FIP1L1: variants seen among roughly 807,000 people sequenced by gnomAD.
FIP1L1 encodes the protein factor interacting with PAPOLA and CPSF1.
Under a neutral mutation model 84.6 loss-of-function variants are expected in FIP1L1, and 21 were observed. The observed-to-expected ratio is 0.25, with a 90% CI of 0.18 to 0.36. The LOEUF (loss-of-function observed/expected upper bound fraction) is 0.36. Ranked by LOEUF, FIP1L1 falls within the 10% of genes least tolerant of loss-of-function variation. The pLI is 1.00. For missense variants in FIP1L1, 526 were observed against 751.1 expected (o/e 0.70, Z 3.50); for synonymous variants, 263 against 242.3 (o/e 1.09, Z -0.80).
chr4:53,455,597 C>T (rs911321733), intron 16 of FIP1L1, among the ~76,000 whole-genome samples: 16 of 152,108 alleles, frequency 1.1e-4, no homozygotes, highest in Non-Finnish European at 2.1e-4. Context: ...TACCTGGATG[C>T]GGCTTATGGT....
chr4:53,404,889 T>C (rs1752402614), intron 10 of FIP1L1, among the ~76,000 whole-genome samples: 1 of 151,472 alleles, frequency 6.6e-6, no homozygotes, highest in African/African-American at 2.4e-5. Flanking sequence ...TTTGAGTTCA[T>C]TGTAGATTCT....
intron 6 of FIP1L1, among the ~76,000 whole-genome samples, chr4:53,390,113 A>G (rs887099523): frequency 8.6e-5 from 13 of 151,850 alleles, no homozygotes; most frequent in African/African-American, 1.2e-4. Context: ...CAATTTTTGT[A>G]TTTTTATGTA....
chr4:53,428,142 C>T lies in FIP1L1; in HGVS notation c.1133C>T (p.Pro378Leu). Residue 378 changes from proline to leucine, a missense_variant, in exon 13 of 18, where the codon CCT becomes CTT. This residue lies in a region of FIP1L1 where 80 missense variants were observed against 151.1 expected (regional missense o/e 0.53). Coordinates refer to ENST00000337488, the MANE Select transcript of FIP1L1 (RefSeq NM_030917.4). ...HLPPPPFLPP[P>L]PTVSTAPPLI... The stretch of plus-strand genomic sequence containing the variant: ...CCACCTCCTCCATTTCTTCCACCTC[C>T]TCCGACTGTCAGCACTGCTCCACCT... 1 of 1,607,192 alleles carries T rather than the reference C, an allele frequency of 6.2e-7. No individual in the cohort carries two copies. Among genetic ancestry groups the T allele is most frequent in the Non-Finnish European group, 8.5e-7 (1 of 1,175,168 alleles).
chr4:53,388,330 G>A (rs1049845547), intron 5 of FIP1L1, among the ~76,000 whole-genome samples: 2 of 131,148 alleles, frequency 1.5e-5, no homozygotes, highest in African/African-American at 5.6e-5. Context: ...TGTGACTTGA[G>A]GTCTTACTGA....
intron 15 of FIP1L1, among the ~76,000 whole-genome samples, chr4:53,451,145 A>G (rs566340846): frequency 1.3e-5 from 2 of 149,100 alleles, no homozygotes; most frequent in South Asian, 2.1e-4. Flanking sequence ...TTTTTTTTGT[A>G]TTTTTAGTAG....
intron 10 of FIP1L1, among the ~76,000 whole-genome samples, chr4:53,410,210 GAAGA>G (rs1756446756): frequency 1.3e-5 from 2 of 152,208 alleles, no homozygotes; most frequent in African/African-American, 4.8e-5. Flanking sequence ...TAGAGTAAGA[GAAGA>G]CAACACTTCA....
intron 3 of FIP1L1, among the ~76,000 whole-genome samples, chr4:53,381,902 A>T (rs981947394): frequency 5.3e-5 from 8 of 151,264 alleles, no homozygotes; most frequent in African/African-American, 1.9e-4. Context: ...AGCTGGGATT[A>T]CAGGTGCCCG....
Position 53,459,702 on chromosome 4 carries a change from CAG to C in FIP1L1, c.*254_*255del. 2.0e-6 allele frequency: 1 copy of C among 503,630 alleles called. No individual in the cohort carries two copies. Among genetic ancestry groups the C allele is most frequent in the Non-Finnish European group, 3.6e-6 (1 of 280,376 alleles). 31.2% of individuals were successfully genotyped at this position (503,630 alleles called of 1,614,324 possible). On this transcript the variant is annotated 3_prime_UTR_variant, in exon 18 of 18. Coordinates refer to ENST00000337488, the MANE Select transcript of FIP1L1 (RefSeq NM_030917.4). ...AAAGGAATGTGAATGAGTCACTTAA[CAG>C]GGAATCTAAAGAGCTGTGTTAGCTG...
At chr4:53,427,012 A>G (rs561099745) in intron 12 of FIP1L1, among the ~76,000 whole-genome samples, 4 of 152,318 alleles carry the variant, frequency 2.6e-5, no homozygotes, top group African/African-American at 7.2e-5. Context: ...TAAGTTGATC[A>G]TGTAAAATAT....
At chr4:53,379,012 C>A in intron 1 of FIP1L1, 61 bp from the exon 2 acceptor site, 1 of 1,502,124 alleles carries the variant, frequency 6.7e-7, no homozygotes, top group Non-Finnish European at 9.1e-7. Flanking sequence ...ATTTTTTTTT[C>A]CATAAAATAA....
At chr4:53,442,469 A>G (rs957178716) in intron 13 of FIP1L1, 184 bp from the exon 14 acceptor site, 2 of 553,310 alleles carry the variant, frequency 3.6e-6, no homozygotes, top group African/African-American at 3.8e-5. Context: ...CTGCTTACTT[A>G]AAGTTTTATT....
Position 53,378,079 on chromosome 4 carries a change from C to CT in FIP1L1, c.85+156_85+157insT. The CT allele has an allele frequency of 8.5e-6, 5 of 589,982 alleles. No homozygotes were observed. The South Asian group carries it at 1.7e-4, about 20-fold the overall frequency. The allele number at this position is 589,982 out of a possible 1,614,324, so 36.5% of individuals were successfully genotyped here. ...TAGGCCGAGCGCGGCGTGCGCGTGC[C>CT]CCCAGTCCCCGCGGCGGTCTCCCGC... On this transcript the variant is annotated intron_variant, in intron 1 of 17. Coordinates refer to ENST00000337488, the MANE Select transcript of FIP1L1 (RefSeq NM_030917.4).
At chr4:53,452,782 G>A in intron 15 of FIP1L1, 138 bp from the exon 16 acceptor site, 2 of 628,262 alleles carry the variant, frequency 3.2e-6, no homozygotes, top group Non-Finnish European at 5.5e-6. Flanking sequence ...GATACTGTGG[G>A]TATTCATTCA....
chr4:53,380,157 A>T (rs1737027469), intron 3 of FIP1L1, among the ~76,000 whole-genome samples: 1 of 132,788 alleles, frequency 7.5e-6, no homozygotes. Context: ...ATGAAAACAT[A>T]TTCAGACAAA....
intron 9 of FIP1L1, among the ~76,000 whole-genome samples, chr4:53,396,531 G>A (rs1195459538): frequency 2.6e-5 from 4 of 151,942 alleles, no homozygotes; most frequent in East Asian, 3.9e-4. Flanking sequence ...TCAGCCTCCC[G>A]AGTAGCTGGG....
intron 10 of FIP1L1, among the ~76,000 whole-genome samples, chr4:53,413,148 T>C (rs914093182): frequency 2.0e-5 from 3 of 152,098 alleles, no homozygotes; most frequent in Non-Finnish European, 2.9e-5. Flanking sequence ...ACCTTTGATA[T>C]GTCTCCATCA....
At position 53,379,244 on chromosome 4, in the gene FIP1L1, G is replaced by T. The variant is rs1410686494; in HGVS notation, c.150G>T (p.Arg50Ser). Residue 50 changes from arginine to serine, a missense_variant, in exon 3 of 18, where the codon AGG (arginine) becomes AGT (serine). Arg to Ser is a moderately radical substitution (Grantham distance 110). Coordinates refer to ENST00000337488, the MANE Select transcript of FIP1L1 (RefSeq NM_030917.4). ...TGGTAGATGAAAATGAAGTTGAAAG[G>T]CCAGAAGAAGAAAATGCCAGGTTAG... Reference protein sequence around the residue: ...AKDLDENEVERPEEENASANP... With the variant: ...AKDLDENEVESPEEENASANP... 1 of 1,600,844 alleles carries T rather than the reference G, an allele frequency of 6.2e-7. No homozygotes were observed. The highest frequency in any genetic ancestry group is 1.1e-5 in the South Asian group (1 of 88,002).
At chr4:53,387,203 C>T (rs1741559262) in intron 5 of FIP1L1, among the ~76,000 whole-genome samples, 1 of 152,174 alleles carries the variant, frequency 6.6e-6, no homozygotes, top group Non-Finnish European at 1.5e-5. Context: ...TGGTATACAC[C>T]TGTAGTCCCA....
chr4:53,403,666 G>A (rs78483838), intron 10 of FIP1L1, among the ~76,000 whole-genome samples: 3,034 of 152,240 alleles, frequency 0.02, 54 homozygotes, highest in Non-Finnish European at 0.034. Context: ...TGAATATGGC[G>A]GATGAGGCAA....
Sources: gnomAD v4.1 joint callset for allele counts (sites outside exome capture counted in the v4.1 genomes callset) on GRCh38, gnomAD v4.1.1 for gene constraint, gnomAD v4.1.1 regional missense constraint, MANE v1.5 for transcripts, NCBI Gene and HGNC (gene_info 2026-07-23, HGNC 2026-07-21) for gene names.